The following CHST11 variants were observed in gnomAD, a reference collection of about 807,000 sequenced individuals.
CHST11 encodes the protein C4S-1.
Under a neutral mutation model 30.4 loss-of-function variants are expected in CHST11, and 9 were observed. That is an observed-to-expected ratio of 0.30 (90% CI 0.18 to 0.52). The LOEUF is 0.52. Among genes scored for constraint, CHST11 ranks in the 20% least tolerant of loss-of-function variants. The pLI is 0.97. For missense variants in CHST11, 348 were observed against 460.6 expected (o/e 0.76, Z 2.24); for synonymous variants, 152 against 187.8 (o/e 0.81, Z 1.56).
intron 2 of CHST11, among the ~76,000 whole-genome samples, chr12:104,637,550 A>T (rs1182378240): frequency 3.9e-5 from 6 of 152,188 alleles, no homozygotes; most frequent in Non-Finnish European, 5.9e-5. Context: ...ATCCAGATTA[A>T]AATCTGTGTG....
chr12:104,703,478 A>G (rs1241074781), intron 2 of CHST11, among the ~76,000 whole-genome samples: 4 of 152,176 alleles, frequency 2.6e-5, no homozygotes, highest in Non-Finnish European at 1.5e-5. Flanking sequence ...AAGGAGATCA[A>G]TAATTCAACC....
rs138506106 is a variant in CHST11 at position 104,731,640 on chromosome 12, T to TGCGGGCCTCA, written c.205-25305_205-25296dup. On this transcript the variant is annotated intron_variant, in intron 2 of 2. Coordinates refer to ENST00000303694, the MANE Select transcript of CHST11 (RefSeq NM_018413.6). ...GACTCGGGACCACGGACTCAGCCTC[T>TGCGGGCCTCA]GCGGGCCTCAGCGTTTCCATCTGTA... Among the ~76,000 whole-genome samples the TGCGGGCCTCA allele has an allele frequency of 4.9e-3, 747 of 152,336 alleles. 6 individuals carry two copies. Among genetic ancestry groups the TGCGGGCCTCA allele is most frequent in the African/African-American group, 0.017 (694 of 41,574 alleles).
At chr12:104,619,464 T>C (rs1235311871) in intron 2 of CHST11, among the ~76,000 whole-genome samples, 4 of 152,186 alleles carry the variant, frequency 2.6e-5, no homozygotes, top group African/African-American at 4.8e-5. Context: ...CATGTGTAAT[T>C]TTCTTATCAA....
At chr12:104,510,370 C>T (rs1339233050) in intron 1 of CHST11, among the ~76,000 whole-genome samples, 3 of 152,188 alleles carry the variant, frequency 2.0e-5, no homozygotes, top group African/African-American at 7.2e-5. Context: ...GGGTTGGAGA[C>T]TGTGAGCTGC....
intron 2 of CHST11, among the ~76,000 whole-genome samples, chr12:104,606,774 G>A (rs1443516093): frequency 1.3e-5 from 2 of 152,194 alleles, no homozygotes; most frequent in African/African-American, 4.8e-5. Context: ...GACAATAGCT[G>A]TAAACAATTA....
intron 1 of CHST11, among the ~76,000 whole-genome samples, chr12:104,591,270 G>C (rs2038855731): frequency 6.6e-6 from 1 of 152,286 alleles, no homozygotes; most frequent in East Asian, 1.9e-4. Context: ...GAGCAGGAAG[G>C]CTGTTATGAT....
At chr12:104,679,559 C>A (rs143084530) in intron 2 of CHST11, among the ~76,000 whole-genome samples, 1 of 152,264 alleles carries the variant, frequency 6.6e-6, no homozygotes, top group East Asian at 1.9e-4. Flanking sequence ...CATGCGAAGT[C>A]ATTTGCTGAT....
chr12:104,618,561 A>G (rs1368011055), intron 2 of CHST11, among the ~76,000 whole-genome samples: 2 of 151,998 alleles, frequency 1.3e-5, no homozygotes, highest in African/African-American at 2.4e-5. Flanking sequence ...TTTTATTTCT[A>G]TGTTCTCATC....
At chr12:104,698,343 G>A (rs1307495197) in intron 2 of CHST11, among the ~76,000 whole-genome samples, 1 of 152,136 alleles carries the variant, frequency 6.6e-6, no homozygotes, top group East Asian at 1.9e-4. Flanking sequence ...CTCTGCCAAT[G>A]TTCCCTGTCT....
At chr12:104,550,978 A>G (rs1227344960) in intron 1 of CHST11, among the ~76,000 whole-genome samples, 1 of 151,940 alleles carries the variant, frequency 6.6e-6, no homozygotes, top group Non-Finnish European at 1.5e-5. Context: ...TCCTCTTTCT[A>G]ATAGCCTGGA....
At chr12:104,658,472 A>C (rs12300231) in intron 2 of CHST11, among the ~76,000 whole-genome samples, 80,693 of 151,988 alleles carry the variant, frequency 0.53, 22,289 homozygotes, top group African/African-American at 0.67. Flanking sequence ...CTGTGCAGAC[A>C]CTATCTCCAA....
intron 2 of CHST11, among the ~76,000 whole-genome samples, chr12:104,652,445 A>G (rs566023554): frequency 1.3e-5 from 2 of 152,312 alleles, no homozygotes; most frequent in Non-Finnish European, 2.9e-5. Flanking sequence ...AGGTGAGGAG[A>G]CAGTCACGGG....
chr12:104,540,453 A>G (rs752702726), intron 1 of CHST11, among the ~76,000 whole-genome samples: 2 of 152,246 alleles, frequency 1.3e-5, no homozygotes, highest in Non-Finnish European at 2.9e-5. Flanking sequence ...CTGGCAGGCC[A>G]CTTTTTGGGG....
At chr12:104,526,150 T>C (rs574938596) in intron 1 of CHST11, among the ~76,000 whole-genome samples, 54 of 152,186 alleles carry the variant, frequency 3.5e-4, no homozygotes, top group African/African-American at 1.3e-3. Context: ...AGTTGACTTT[T>C]ATATAACACT....
intron 2 of CHST11, among the ~76,000 whole-genome samples, chr12:104,632,259 AGCACAGCGCAAGCAGAG>A (rs2039278192): frequency 6.6e-6 from 1 of 152,040 alleles, no homozygotes; most frequent in Admixed American, 6.5e-5. Context: ...ACTTCAGAAG[AGCACAGCGCAAGCAGAG>A]GTGTAGTGGG....
intron 2 of CHST11, among the ~76,000 whole-genome samples, chr12:104,658,638 C>T (rs1291104212): frequency 4.6e-5 from 7 of 152,244 alleles, no homozygotes; most frequent in Non-Finnish European, 8.8e-5. Flanking sequence ...CACTTCCTAG[C>T]GCCTTGATGA....
At chr12:104,546,104 C>T (rs991641851) in intron 1 of CHST11, among the ~76,000 whole-genome samples, 5 of 152,072 alleles carry the variant, frequency 3.3e-5, no homozygotes, top group African/African-American at 1.2e-4. Flanking sequence ...GATGAGGAGC[C>T]AACATTGTTG....
intron 1 of CHST11, among the ~76,000 whole-genome samples, chr12:104,583,637 A>G (rs1326430839): frequency 6.6e-6 from 1 of 152,158 alleles, no homozygotes; most frequent in African/African-American, 2.4e-5. Flanking sequence ...GCAGCAACTT[A>G]AGTTATACTT....
chr12:104,589,280 A>T (rs186723975), intron 1 of CHST11, among the ~76,000 whole-genome samples: 2 of 152,144 alleles, frequency 1.3e-5, no homozygotes, highest in Admixed American at 1.3e-4. Flanking sequence ...CTGTGTCTGT[A>T]GTCCCAGCTA....
Sources: allele counts gnomAD v4.1 joint callset (sites outside exome capture counted in the v4.1 genomes callset), GRCh38; gene constraint gnomAD v4.1.1; transcripts MANE v1.5; gene names NCBI Gene and HGNC (gene_info 2026-07-23, HGNC 2026-07-21).